The following NRSN1 variants were observed in gnomAD, a reference collection of about 807,000 sequenced individuals.
The protein encoded by NRSN1 is neurensin-1.
Under a neutral mutation model 17.3 loss-of-function variants are expected in NRSN1, and 14 were observed. The ratio of observed to expected loss-of-function variants is 0.81; its 90% CI spans 0.54 to 1.27. The LOEUF is 1.27. NRSN1 is among the 50% of genes most tolerant of loss of function. The pLI, the probability that NRSN1 is intolerant of heterozygous loss-of-function variation, is 0.00. For synonymous variants in NRSN1, 79 were observed against 94.2 expected (o/e 0.84, Z 0.93); for missense variants, 209 against 235.9 (o/e 0.89, Z 0.75).
rs746541611 is a variant in NRSN1, at chr6:24,145,732, T to C, written c.374T>C (p.Ile125Thr). Residue 125 changes from isoleucine (I) to threonine (T), a missense_variant, in exon 4 of 4, where the codon ATT becomes ACT. Transcript: ENST00000378491. This position sits in a 1 kb window ranked among gnomAD's most constrained non-coding sequence, Gnocchi z 4.4. ...YKLAGAVLFC[I>T]GGTSMAGCLL... ...CTGGCAGGAGCTGTTCTCTTCTGCA[T>C]TGGAGGCACGTCCATGGCAGGGTGC... 13 of 1,614,072 alleles carry C rather than the reference T, an allele frequency of 8.1e-6. No homozygotes were observed. Among genetic ancestry groups the C allele is most frequent in the African/African-American group, 2.7e-5 (2 of 74,936 alleles).
In NRSN1 at chr6:24,127,824, T is replaced by C. The variant is rs188018907; in HGVS notation, c.-82-304T>C. 1.9e-3 allele frequency among the ~76,000 whole-genome samples: 296 copies of C among 152,314 alleles called. 1 individual carries two copies. Among genetic ancestry groups the C allele is most frequent in the African/African-American group, 6.8e-3 (282 of 41,586 alleles). Reference sequence around the variant, plus strand: ...TAGAAATGGACCAGCCTATTTGGAATTACTAACAACATGGAATATGGTTAT... The same window carrying C: ...TAGAAATGGACCAGCCTATTTGGAACTACTAACAACATGGAATATGGTTAT... On this transcript the variant is annotated intron_variant, in intron 1 of 3. Transcript: ENST00000378491.
intron 3 of NRSN1, among the ~76,000 whole-genome samples, chr6:24,135,877 G>A (rs926849639): frequency 3.9e-5 from 6 of 152,178 alleles, no homozygotes; most frequent in African/African-American, 1.2e-4. Context: ...CAGGGATACT[G>A]AGAAGATGAA....
intron 2 of NRSN1, among the ~76,000 whole-genome samples, chr6:24,131,397 AT>A (rs759824793): frequency 1.1e-4 from 16 of 151,736 alleles, no homozygotes; most frequent in South Asian, 2.1e-4. Context: ...GCTATGAGGG[AT>A]TTTTTTTTAT....
At chr6:24,134,034 GTGTGTGTT>G in intron 2 of NRSN1, among the ~76,000 whole-genome samples, 2 of 151,788 alleles carry the variant, frequency 1.3e-5, no homozygotes, top group East Asian at 3.9e-4. Context: ...GTGTGTGTGT[GTGTGTGTT>G]TTTAGTAGAG....
chr6:24,140,916 T>G, intron 3 of NRSN1: 2 of 1,302,910 alleles, frequency 1.5e-6, no homozygotes, highest in Non-Finnish European at 2.0e-6. Flanking sequence ...AATTTTCCTT[T>G]CCAGCAGCAG....
intron 3 of NRSN1, among the ~76,000 whole-genome samples, chr6:24,139,026 T>C (rs9467048): frequency 0.015 from 2,314 of 152,308 alleles, 53 homozygotes; most frequent in African/African-American, 0.051. Flanking sequence ...TACAGTCTTA[T>C]GGACTATAGT....
chr6:24,134,209 C>A, intron 2 of NRSN1, 110 bp from the exon 3 acceptor site: 1 of 841,294 alleles, frequency 1.2e-6, no homozygotes, highest in Non-Finnish European at 1.9e-6. Flanking sequence ...ATGAAAAGAG[C>A]ATTGTTCAAC....
At chr6:24,126,785 T>A (rs1418102465) in intron 1 of NRSN1, among the ~76,000 whole-genome samples, 1 of 152,222 alleles carries the variant, frequency 6.6e-6, no homozygotes, top group Non-Finnish European at 1.5e-5. Flanking sequence ...CTGTGCCACG[T>A]CTGAAGATGT....
chr6:24,145,786 A>C lies in NRSN1; in HGVS notation c.428A>C (p.Tyr143Ser). ...CTGATGTCGGTGTTTGTAAAGAGCT[A>C]CTCCAAAGAAGAAAAATTCCTCCAG... ...CLLMSVFVKS[Y>S]SKEEKFLQQK... The change falls in exon 4 of 4, where the codon TAC becomes TCC. Residue 143 changes from tyrosine (Y) to serine (S), a missense_variant. Coordinates refer to ENST00000378491, the MANE Select transcript of NRSN1 (RefSeq NM_080723.5). This position sits in a 1 kb window ranked among gnomAD's most constrained non-coding sequence, Gnocchi z 4.4. The C allele has an allele frequency of 6.2e-7, 1 of 1,614,060 alleles. No individual in the cohort carries two copies. Among genetic ancestry groups the C allele is most frequent in the African/African-American group, 1.3e-5 (1 of 74,988 alleles).
intron 2 of NRSN1, among the ~76,000 whole-genome samples, chr6:24,131,969 T>G (rs541733739): frequency 6.6e-6 from 1 of 151,896 alleles, no homozygotes; most frequent in Non-Finnish European, 1.5e-5. Flanking sequence ...TGGGTGTGTA[T>G]GTGTAGACTC....
rs1012758503 is a variant in NRSN1 at position 24,145,403 on chromosome 6, TTAAG to T, written c.190-139_190-136del. The T allele has an allele frequency of 3.4e-5, 19 of 558,552 alleles. No individual in the cohort carries two copies. Among genetic ancestry groups the T allele is most frequent in the African/African-American group, 1.2e-4 (6 of 52,084 alleles). The allele number at this position is 558,552 out of a possible 1,614,324, so 34.6% of individuals were successfully genotyped here. A position where few individuals can be genotyped will look rare whatever the true frequency, so the allele number is the denominator to read the frequency against. Reference sequence around the variant, plus strand: ...ATCTTTCACCTTTTTCAACAGAAAATTAAGTAAGTGTTTCCTGCAAATTTGGGGT... The same window carrying T: ...ATCTTTCACCTTTTTCAACAGAAAATTAAGTGTTTCCTGCAAATTTGGGGT... On this transcript the variant is annotated intron_variant, in intron 3 of 3. Transcript: ENST00000378491. The surrounding 1 kb of genome is among the most constrained non-coding windows in gnomAD (Gnocchi z 4.4).
intron 2 of NRSN1, among the ~76,000 whole-genome samples, chr6:24,132,726 T>C (rs2113712397): frequency 6.6e-6 from 1 of 152,356 alleles, no homozygotes; most frequent in East Asian, 1.9e-4. Flanking sequence ...GTGCAGAACG[T>C]ACAGGCTTGT....
At chr6:24,129,320 T>C (rs1193281489) in intron 2 of NRSN1, 1 of 152,206 alleles carries the variant, frequency 6.6e-6, no homozygotes, top group Non-Finnish European at 1.5e-5. Flanking sequence ...TGGCACGTAG[T>C]GCTTTAAAAA....
chr6:24,129,929 G>C (rs1001415934), intron 2 of NRSN1, among the ~76,000 whole-genome samples: 9 of 152,202 alleles, frequency 5.9e-5, no homozygotes, highest in Non-Finnish European at 1.3e-4. Context: ...TGCTGGCAGG[G>C]AGGATGCAAC....
chr6:24,142,192 T>TG (rs1760219815), intron 3 of NRSN1, among the ~76,000 whole-genome samples: 1 of 78,572 alleles, frequency 1.3e-5, no homozygotes, highest in Non-Finnish European at 2.7e-5. Context: ...ACAGAACAGC[T>TG]TTTTTTTTTT....
chr6:24,132,425 T>C (rs527276722), intron 2 of NRSN1, among the ~76,000 whole-genome samples: 3 of 152,248 alleles, frequency 2.0e-5, no homozygotes, highest in Admixed American at 2.0e-4. Context: ...TATGCCTCTG[T>C]TGGCCTGGAT....
At chr6:24,134,972 G>A (rs1224811267) in intron 3 of NRSN1, among the ~76,000 whole-genome samples, 2 of 152,178 alleles carry the variant, frequency 1.3e-5, no homozygotes, top group Admixed American at 6.5e-5. Context: ...CGTCTCTACC[G>A]AGTGTGTGAT....
chr6:24,136,343 T>A (rs747734050), intron 3 of NRSN1, among the ~76,000 whole-genome samples: 1 of 152,246 alleles, frequency 6.6e-6, no homozygotes, highest in Admixed American at 6.5e-5. Context: ...GTTGTTAACA[T>A]GGATAACCCA....
In NRSN1 at chr6:24,145,640, C is replaced by T. The variant is rs373245325; in HGVS notation, c.282C>T (p.Gly94=). 14 of 1,613,928 alleles carry T rather than the reference C, an allele frequency of 8.7e-6. No individual in the cohort carries two copies. The highest frequency in any genetic ancestry group is 8.3e-5 in the Admixed American group (5 of 60,000). ...FLVPPKIEAF[G]EADFVVVDTH... is the part of the protein sequence containing the mutation. ...TGCCCCCCAAAATCGAAGCATTTGG[C>T]GAAGCCGATTTTGTGGTGGTCGACA... Residue 94 remains glycine, a synonymous_variant, in exon 4 of 4, where the codon GGC becomes GGT. Coordinates refer to ENST00000378491, the MANE Select transcript of NRSN1 (RefSeq NM_080723.5). The surrounding 1 kb of genome is among the most constrained non-coding windows in gnomAD (Gnocchi z 4.4).
Sources: gnomAD v4.1 joint callset for allele counts (sites outside exome capture counted in the v4.1 genomes callset) on GRCh38, gnomAD v4.1.1 for gene constraint, Gnocchi (gnomAD v3.1) non-coding constraint, MANE v1.5 for transcripts, NCBI Gene and HGNC (gene_info 2026-07-23, HGNC 2026-07-21) for gene names.